The following GRM4 variants were observed in gnomAD, a reference collection of about 807,000 sequenced individuals.
GRM4 encodes the protein metabotropic glutamate receptor 4.
In GRM4, 28 loss-of-function variants were observed where a neutral mutation model predicts 81.7. The ratio of observed to expected loss-of-function variants is 0.34; its 90% confidence interval spans 0.25 to 0.47. The LOEUF is 0.47. Among genes scored for constraint, GRM4 ranks in the 20% least tolerant of loss-of-function variants. GRM4 has a pLI of 1.00. For synonymous variants in GRM4, 488 were observed against 528.8 expected, an observed-to-expected ratio of 0.92 and a Z score of 1.06; for missense variants, 948 against 1,290.0, an observed-to-expected ratio of 0.73 and a Z score of 4.06.
intron 2 of GRM4, among the ~76,000 whole-genome samples, chr6:34,097,100 C>T (rs1036643614): frequency 2.6e-5 from 4 of 152,188 alleles, no homozygotes; most frequent in East Asian, 3.9e-4. Flanking sequence ...GAACAACTGC[C>T]GTCAGCGGGC....
chr6:34,095,143 C>T (rs568358526), intron 2 of GRM4, among the ~76,000 whole-genome samples: 1 of 152,146 alleles, frequency 6.6e-6, no homozygotes, highest in African/African-American at 2.4e-5. Context: ...AGCCCCGGAC[C>T]CCTGATTTCA....
intron 2 of GRM4, chr6:34,110,519 T>A: frequency 2.4e-6 from 1 of 408,432 alleles, no homozygotes; most frequent in Non-Finnish European, 4.6e-6. Context: ...CTCTGCCAAC[T>A]GGGCTTTTCC....
rs1763916116 is a variant in GRM4, at chr6:34,022,335, A to C, written c.*486T>G. The C allele has an allele frequency of 5.9e-6, 1 of 169,444 alleles. No homozygotes were observed. Among genetic ancestry groups the C allele is most frequent in the Non-Finnish European group, 1.3e-5 (1 of 78,696 alleles). The allele number at this position is 169,444 out of a possible 1,614,324, so 10.5% of individuals were successfully genotyped here. On this transcript the variant is annotated 3_prime_UTR_variant, in exon 11 of 11. Transcript: ENST00000538487. This position sits in a 1 kb window ranked among gnomAD's most constrained non-coding sequence, Gnocchi z 5.6. ...AAAGCAGGAGGAGCTGAGGACAAAG[A>C]GGATGAGAGAGAGAGGCGGAGGCAA...
intron 8 of GRM4, 33 bp downstream of exon 8, chr6:34,040,145 C>A: frequency 6.2e-7 from 1 of 1,605,420 alleles, no homozygotes; most frequent in South Asian, 1.1e-5. Flanking sequence ...CTGCGTGAGT[C>A]ACTCTCCACC....
intron 10 of GRM4, among the ~76,000 whole-genome samples, chr6:34,027,463 C>A (rs1276120278): frequency 6.6e-6 from 1 of 152,120 alleles, no homozygotes; most frequent in African/African-American, 2.4e-5. Flanking sequence ...CGGACAGTCC[C>A]CCAGACAGGC....
chr6:34,083,467 G>A (rs1767714018), intron 3 of GRM4, among the ~76,000 whole-genome samples: 1 of 152,208 alleles, frequency 6.6e-6, no homozygotes, highest in Non-Finnish European at 1.5e-5. Flanking sequence ...GCTGGCGCGT[G>A]GTGGGTCTCG....
upstream of GRM4, among the ~76,000 whole-genome samples, chr6:34,146,966 A>G (rs1770949066): frequency 6.6e-6 from 1 of 152,124 alleles, no homozygotes; most frequent in Non-Finnish European, 1.5e-5. Context: ...CACCTCCTCC[A>G]GATCTCCAGA....
chr6:34,045,155 G>A (rs1470980155), intron 6 of GRM4, among the ~76,000 whole-genome samples: 4 of 152,224 alleles, frequency 2.6e-5, no homozygotes, highest in South Asian at 2.1e-4. Flanking sequence ...GGCATGTAGG[G>A]GAGGGGTGGG....
At chr6:34,093,954 T>A (rs373912707) in intron 2 of GRM4, among the ~76,000 whole-genome samples, 18 of 152,378 alleles carry the variant, frequency 1.2e-4, no homozygotes, top group African/African-American at 3.8e-4. Context: ...TGTACTACAT[T>A]ATCCACTGGC....
intron 1 of GRM4, among the ~76,000 whole-genome samples, chr6:34,140,191 T>C (rs1281568865): frequency 6.6e-6 from 1 of 152,166 alleles, no homozygotes. Context: ...GCATGAGCCA[T>C]GTGAACATCT....
Position 34,049,873 on chromosome 6 carries a change from C to T in GRM4, c.1168+6671G>A, listed in dbSNP as rs547726842. On this transcript the variant is annotated intron_variant, in intron 6 of 10. Transcript: ENST00000538487. ...CATCATCCCCACCTGGATTACAGCA[C>T]CAGCCTCCTAACTGGTCTCCCACTC... Among the ~76,000 whole-genome samples, 3 of 152,258 alleles carry T rather than the reference C, an allele frequency of 2.0e-5. No individual in the cohort carries two copies. The East Asian group carries it at 5.8e-4, about 29-fold the overall frequency.
Position 34,040,675 on chromosome 6 carries a change from G to T in GRM4, c.1242C>A (p.Tyr414Ter). 1 of 1,614,010 alleles carries T rather than the reference G, an allele frequency of 6.2e-7. No homozygotes were observed. Among genetic ancestry groups the T allele is most frequent in the Non-Finnish European group, 8.5e-7 (1 of 1,179,834 alleles). ...TGGCGTGCAGCGCGTGGCCCATGGCGTACACGGCATCGATCACAAACTGCA... is the reference window on the plus strand; with the variant it reads ...TGGCGTGCAGCGCGTGGCCCATGGCTTACACGGCATCGATCACAAACTGCA... Reference protein sequence around the residue: ...GKVQFVIDAVYAMGHALHAMH... With the variant: ...GKVQFVIDAV Residue 414 changes from tyrosine (Y) to a stop codon, truncating the protein, a stop_gained, in exon 7 of 11, where the codon TAC becomes TAA. Coordinates refer to ENST00000538487, the MANE Select transcript of GRM4 (RefSeq NM_000841.4). LOFTEE classifies it high-confidence loss of function.
Position 34,040,280 on chromosome 6 carries a change from A to G in GRM4, c.1404T>C (p.Asn468=), listed in dbSNP as rs1218304674. 3.7e-6 allele frequency: 6 copies of G among 1,614,196 alleles called. No homozygotes were observed. The highest frequency in any genetic ancestry group is 5.1e-6 in the Non-Finnish European group (6 of 1,179,984). The change falls in exon 8 of 11, where the codon AAT becomes AAC. Residue 468 remains asparagine, a synonymous_variant. Coordinates refer to ENST00000538487, the MANE Select transcript of GRM4 (RefSeq NM_000841.4). ...TGTCATAGCGCCCAGGCGCATCTCC[A>G]TTCTCATTGAAGGTCACAGGGTTCC... is the stretch of plus-strand genomic sequence containing the variant. ...IAGNPVTFNE[N]GDAPGRYDIY... is the part of the protein sequence containing the mutation.
chr6:34,070,941 C>T lies in GRM4; in HGVS notation c.737-8913G>A, dbSNP rs1041192280. Among the ~76,000 whole-genome samples the T allele has an allele frequency of 9.9e-5, 15 of 151,844 alleles. No individual in the cohort carries two copies. Among genetic ancestry groups the T allele is most frequent in the African/African-American group, 2.9e-4 (12 of 41,270 alleles). Reference sequence around the variant, plus strand: ...ACACTTATGGACCCACTAAGAACCTCGTACAGCCTCATAGCCACAAAGATG... The same window carrying T: ...ACACTTATGGACCCACTAAGAACCTTGTACAGCCTCATAGCCACAAAGATG... On this transcript the variant is annotated intron_variant, in intron 3 of 10. Transcript: ENST00000538487. This position sits in a 1 kb window ranked among gnomAD's most constrained non-coding sequence, Gnocchi z 4.6.
chr6:34,103,497 C>A, intron 2 of GRM4: 2 of 1,082,036 alleles, frequency 1.8e-6, no homozygotes, highest in Admixed American at 2.0e-5. Flanking sequence ...GCGGGGGCGG[C>A]GGGCGAGGGA....
chr6:34,027,241 C>T (rs1035279710), intron 10 of GRM4, among the ~76,000 whole-genome samples: 6 of 152,118 alleles, frequency 3.9e-5, no homozygotes, highest in African/African-American at 1.4e-4. Flanking sequence ...GGAAGGGTAT[C>T]AGAAGCCAGT....
Position 34,064,985 on chromosome 6 carries a change from T to A in GRM4, c.737-2957A>T, listed in dbSNP as rs1766381270. Among the ~76,000 whole-genome samples, 1 of 152,062 alleles carries A rather than the reference T, an allele frequency of 6.6e-6. No homozygotes were observed. The highest frequency in any genetic ancestry group is 1.5e-5 in the Non-Finnish European group (1 of 67,986). On this transcript the variant is annotated intron_variant, in intron 3 of 10. Transcript: ENST00000538487. This position sits in a 1 kb window ranked among gnomAD's most constrained non-coding sequence, Gnocchi z 4.4. ...CTCCCTGAGGCGGAGAGGCCCCCATTTCCTGCAGCCGCTCCTGGACAGTTC... is the reference window on the plus strand; with the variant it reads ...CTCCCTGAGGCGGAGAGGCCCCCATATCCTGCAGCCGCTCCTGGACAGTTC...
At chr6:34,120,453 T>G (rs558810705) in intron 2 of GRM4, among the ~76,000 whole-genome samples, 2 of 152,308 alleles carry the variant, frequency 1.3e-5, no homozygotes, top group South Asian at 4.1e-4. Flanking sequence ...ATTGATTTTG[T>G]GTCTGTGTCC....
rs903294848 is a variant in GRM4, at chr6:34,114,763, C to T, written c.519+18215G>A. ...GAGCCCCTAGACCCTCACCTGTACCCCCTCACAGCCCTCCCATACCCCAGT... is the reference window on the plus strand; with the variant it reads ...GAGCCCCTAGACCCTCACCTGTACCTCCTCACAGCCCTCCCATACCCCAGT... On this transcript the variant is annotated intron_variant, in intron 2 of 10. Coordinates refer to ENST00000538487, the MANE Select transcript of GRM4 (RefSeq NM_000841.4). The surrounding 1 kb of genome is among the most constrained non-coding windows in gnomAD (Gnocchi z 4.3). 5.3e-5 allele frequency among the ~76,000 whole-genome samples: 8 copies of T among 152,274 alleles called. No homozygotes were observed. Among genetic ancestry groups the T allele is most frequent in the Non-Finnish European group, 1.2e-4 (8 of 68,030 alleles).
Sources: allele counts gnomAD v4.1 joint callset (sites outside exome capture counted in the v4.1 genomes callset), GRCh38; gene constraint gnomAD v4.1.1; non-coding constraint Gnocchi (gnomAD v3.1); transcripts MANE v1.5; gene names NCBI Gene and HGNC (gene_info 2026-07-23, HGNC 2026-07-21).